Variants in ZNF827 observed in about 807,000 individuals in gnomAD.
The protein encoded by ZNF827 is zinc finger protein 827.
A neutral mutation model predicts 102.4 loss-of-function variants in ZNF827; 13 were observed. The ratio of observed to expected loss-of-function variants is 0.13; its 90% CI spans 0.08 to 0.20. The LOEUF (loss-of-function observed/expected upper bound fraction) is 0.20. ZNF827 is among the 10% of genes least tolerant of loss of function. The probability of loss-of-function intolerance (pLI) is 1.00; values close to 1 mark genes in which losing one functional copy is unlikely to be tolerated. For missense variants in ZNF827, 1,103 were observed against 1,344.4 expected (o/e 0.82, Z 2.81); for synonymous variants, 523 against 536.2 (o/e 0.98, Z 0.34).
intron 3 of ZNF827, among the ~76,000 whole-genome samples, chr4:145,889,188 G>A (rs1750386223): frequency 6.6e-6 from 1 of 152,064 alleles, no homozygotes; most frequent in South Asian, 2.1e-4. Context: ...AAGGGAAAAG[G>A]AATAAAATTT....
intron 8 of ZNF827, among the ~76,000 whole-genome samples, chr4:145,808,938 C>G (rs1741754240): frequency 6.6e-6 from 1 of 152,120 alleles, no homozygotes; most frequent in South Asian, 2.1e-4. Context: ...GTAGCTGGGA[C>G]TACAGGTATA....
chr4:145,898,671 T>C (rs1292134784), intron 2 of ZNF827, among the ~76,000 whole-genome samples: 3 of 151,894 alleles, frequency 2.0e-5, no homozygotes, highest in Non-Finnish European at 2.9e-5. Context: ...GAAAGAAACC[T>C]CCCCCTCAAG....
At chr4:145,883,271 G>A (rs1268582068) in intron 4 of ZNF827, among the ~76,000 whole-genome samples, 4 of 152,144 alleles carry the variant, frequency 2.6e-5, no homozygotes, top group Non-Finnish European at 5.9e-5. Context: ...AGGACCTCCA[G>A]TAAGCCACCA....
At chr4:145,873,829 T>A (rs1461457792) in intron 4 of ZNF827, among the ~76,000 whole-genome samples, 2 of 152,204 alleles carry the variant, frequency 1.3e-5, no homozygotes, top group Non-Finnish European at 2.9e-5. Flanking sequence ...GAACCCTTTA[T>A]AAAGTCTTTT....
At chr4:145,896,753 G>C (rs1225659870) in intron 2 of ZNF827, among the ~76,000 whole-genome samples, 2 of 152,148 alleles carry the variant, frequency 1.3e-5, no homozygotes, top group Non-Finnish European at 2.9e-5. Flanking sequence ...CGTGTACTTA[G>C]ACCTCAGCTA....
chr4:145,915,487 G>A (rs1579560879), intron 1 of ZNF827, among the ~76,000 whole-genome samples: 1 of 151,462 alleles, frequency 6.6e-6, no homozygotes, highest in Admixed American at 6.6e-5. Context: ...ACACACTCCC[G>A]AGATAAGGAT....
At chr4:145,795,639 T>A (rs1431101932) in intron 8 of ZNF827, among the ~76,000 whole-genome samples, 1 of 152,234 alleles carries the variant, frequency 6.6e-6, no homozygotes, top group African/African-American at 2.4e-5. Context: ...TGGATCTCAC[T>A]GCATGAATTA....
At position 145,758,368 on chromosome 4, in the gene ZNF827, A is replaced by G. The variant is rs763162016; in HGVS notation, c.*3248T>C. 4.6e-5 allele frequency: 7 copies of G among 152,164 alleles called. No individual in the cohort carries two copies. The highest frequency in any genetic ancestry group is 8.8e-5 in the Non-Finnish European group (6 of 68,034). 9.4% of individuals were successfully genotyped at this position (152,164 alleles called of 1,614,324 possible). On this transcript the variant is annotated 3_prime_UTR_variant, in exon 15 of 15. Coordinates refer to ENST00000508784, the MANE Select transcript of ZNF827 (RefSeq NM_001306215.2). ...TTCAACCCTAGACCTCCTATTGCAC[A>G]AGTGGCATGCTGTAAAACCTATAGT...
chr4:145,921,809 G>A (rs1753087990), intron 1 of ZNF827, among the ~76,000 whole-genome samples: 1 of 152,156 alleles, frequency 6.6e-6, no homozygotes, highest in Non-Finnish European at 1.5e-5. Context: ...CTACCATGCA[G>A]TCTCCAAGAT....
chr4:145,795,864 A>C (rs1740330449), intron 8 of ZNF827, among the ~76,000 whole-genome samples: 1 of 152,226 alleles, frequency 6.6e-6, no homozygotes, highest in Non-Finnish European at 1.5e-5. Flanking sequence ...AAGGCTTCTA[A>C]TTCCTTTTGA....
chr4:145,900,545 G>A (rs933723182), intron 2 of ZNF827, among the ~76,000 whole-genome samples: 1 of 152,002 alleles, frequency 6.6e-6, no homozygotes, highest in African/African-American at 2.4e-5. Context: ...AAGTAGCTGG[G>A]ATTACAGGCG....
chr4:145,930,471 G>A (rs1489825936), intron 1 of ZNF827, among the ~76,000 whole-genome samples: 6 of 152,322 alleles, frequency 3.9e-5, no homozygotes, highest in Admixed American at 2.6e-4. Context: ...AGAGAGACAG[G>A]TTATTTTAGG....
intron 1 of ZNF827, among the ~76,000 whole-genome samples, chr4:145,918,521 A>G (rs1752847155): frequency 6.6e-6 from 1 of 151,526 alleles, no homozygotes; most frequent in Non-Finnish European, 1.5e-5. Context: ...AAAAAAAAAA[A>G]AAAATTCCGA....
chr4:145,842,605 C>G (rs1045580167), intron 7 of ZNF827, among the ~76,000 whole-genome samples: 2 of 152,122 alleles, frequency 1.3e-5, no homozygotes, highest in Non-Finnish European at 2.9e-5. Context: ...CTCCTTTCTT[C>G]AGTTTTGTGT....
intron 1 of ZNF827, among the ~76,000 whole-genome samples, chr4:145,922,106 C>G (rs1753113244): frequency 6.6e-6 from 1 of 152,216 alleles, no homozygotes; most frequent in African/African-American, 2.4e-5. Flanking sequence ...TCCCCATCTT[C>G]AGGATTCTTT....
rs1317279649 is a variant in ZNF827, at chr4:145,761,086, G to A, written c.*530C>T. The A allele has an allele frequency of 1.9e-5, 24 of 1,289,610 alleles. No individual in the cohort carries two copies. Among genetic ancestry groups the A allele is most frequent in the Non-Finnish European group, 2.4e-5 (24 of 988,728 alleles). 79.9% of individuals were successfully genotyped at this position (1,289,610 alleles called of 1,614,324 possible). ...GGAGGCAGACATAACTGACAGGGGA[G>A]ACAGGAGATTCCGGGAGCTCCCGAC... On this transcript the variant is annotated 3_prime_UTR_variant, in exon 15 of 15. Coordinates refer to ENST00000508784, the MANE Select transcript of ZNF827 (RefSeq NM_001306215.2). The surrounding 1 kb of genome is among the most constrained non-coding windows in gnomAD (Gnocchi z 6.8).
chr4:145,792,173 T>C (rs1739805475), intron 8 of ZNF827, among the ~76,000 whole-genome samples: 1 of 152,172 alleles, frequency 6.6e-6, no homozygotes, highest in South Asian at 2.1e-4. Context: ...TGGCAAGTGC[T>C]GCTGCATTTC....
intron 10 of ZNF827, 109 bp from the exon 11 acceptor site, chr4:145,774,781 A>T: frequency 8.0e-7 from 1 of 1,251,596 alleles, no homozygotes; most frequent in South Asian, 1.5e-5. Context: ...GGAATTTGAA[A>T]CACATTTGTC....
chr4:145,829,063 AAAG>A (rs1743946606), intron 7 of ZNF827, among the ~76,000 whole-genome samples: 1 of 152,218 alleles, frequency 6.6e-6, no homozygotes, highest in African/African-American at 2.4e-5. Context: ...AGAAAACAGA[AAAG>A]AAGGTGAGTA....
Sources: allele counts gnomAD v4.1 joint callset (sites outside exome capture counted in the v4.1 genomes callset), GRCh38; gene constraint gnomAD v4.1.1; non-coding constraint Gnocchi (gnomAD v3.1); transcripts MANE v1.5; gene names NCBI Gene and HGNC (gene_info 2026-07-23, HGNC 2026-07-21).